Variants in HACL1 observed in about 807,000 individuals in gnomAD.
HACL1 encodes 2-hydroxyacyl-CoA lyase 1.
Under a neutral mutation model 74.2 loss-of-function variants are expected in HACL1, and 64 were observed. That is an observed-to-expected ratio of 0.86 (90% confidence interval 0.70 to 1.06). The LOEUF is 1.06. Ranked by LOEUF, HACL1 falls within the 50% of genes least tolerant of loss-of-function variation. The pLI is 0.00. For missense variants in HACL1, 728 were observed against 719.7 expected, an observed-to-expected ratio of 1.01 and a Z score of -0.13; for synonymous variants, 230 against 238.8, an observed-to-expected ratio of 0.96 and a Z score of 0.34.
At chr3:15,581,727 T>C (rs1413822274) in intron 8 of HACL1, among the ~76,000 whole-genome samples, 1 of 152,214 alleles carries the variant, frequency 6.6e-6, no homozygotes, top group African/African-American at 2.4e-5. Flanking sequence ...AACCTCTCTG[T>C]ACACACCACG....
intron 4 of HACL1, 116 bp downstream of exon 4, chr3:15,591,484 T>C (rs1002237428): frequency 1.8e-6 from 1 of 554,342 alleles, no homozygotes; most frequent in Admixed American, 3.2e-5. Context: ...TTTCTAAGAA[T>C]TGAAGGGGTT....
intron 14 of HACL1, among the ~76,000 whole-genome samples, chr3:15,565,166 G>GAAA (rs992716736): frequency 1.6e-5 from 2 of 123,708 alleles, no homozygotes. Context: ...CTCCATCTCA[G>GAAA]AAAAAAAAAA....
At chr3:15,566,037 G>A (rs2063429054) in intron 14 of HACL1, among the ~76,000 whole-genome samples, 1 of 152,058 alleles carries the variant, frequency 6.6e-6, no homozygotes, top group African/African-American at 2.4e-5. Flanking sequence ...TTTATATCAG[G>A]GACTTACTTG....
rs538291448 is a variant in HACL1 at position 15,568,504 on chromosome 3, A to G, written c.1178T>C (p.Phe393Ser). ...HVQEQLPRDC[F>S]VVSEGANTMD... ...AGTATTTGCTCCTTCACTTACCACG[A>G]AACAGTCTCTAGGTAGTTGTTCTTG... The change falls in exon 13 of 17, where the codon TTC (phenylalanine) becomes TCC (serine). Residue 393 changes from phenylalanine to serine, a missense_variant. By Grantham distance (155) the Phe-to-Ser change is radical. Transcript: ENST00000321169. The G allele has an allele frequency of 5.0e-6, 8 of 1,599,890 alleles. No homozygotes were observed. Among genetic ancestry groups the G allele is most frequent in the African/African-American group, 1.3e-5 (1 of 74,786 alleles).
chr3:15,565,574 T>C (rs9827194), intron 14 of HACL1, among the ~76,000 whole-genome samples: 33 of 152,342 alleles, frequency 2.2e-4, no homozygotes, highest in African/African-American at 7.0e-4. Context: ...GAAAAGAATG[T>C]AGGTTTTATT....
At position 15,601,541 on chromosome 3, in the gene HACL1, C is replaced by A. The variant is rs748298074; in HGVS notation, c.-78G>T. 4 of 1,605,364 alleles carry A rather than the reference C, an allele frequency of 2.5e-6. No individual in the cohort carries two copies. The South Asian group carries it at 4.4e-5, about 18-fold the overall frequency. On this transcript the variant is annotated 5_prime_UTR_variant, in exon 1 of 17. Transcript: ENST00000321169. ...TCCAGCAAGGCAAACGCGAAATCGG[C>A]AGCACGCCACCTCTGGTACTGCACC...
intron 4 of HACL1, among the ~76,000 whole-genome samples, chr3:15,590,344 A>G (rs1559559443): frequency 6.6e-6 from 1 of 152,136 alleles, no homozygotes; most frequent in Non-Finnish European, 1.5e-5. Context: ...GGAAAAAAAA[A>G]AGATATGGGA....
At chr3:15,592,613 C>T (rs1183630503) in intron 3 of HACL1, among the ~76,000 whole-genome samples, 4 of 86,646 alleles carry the variant, frequency 4.6e-5, no homozygotes, top group Non-Finnish European at 4.7e-5. Context: ...CACATGTGTG[C>T]GTGTATACAC....
intron 7 of HACL1, 40 bp downstream of exon 7, chr3:15,585,208 T>C: frequency 1.0e-6 from 1 of 954,656 alleles, no homozygotes; most frequent in Middle Eastern, 2.1e-4. Context: ...TGATAATACA[T>C]GTACATTGAA....
intron 3 of HACL1, among the ~76,000 whole-genome samples, chr3:15,593,941 G>A (rs1262443871): frequency 2.0e-5 from 3 of 151,988 alleles, no homozygotes; most frequent in Non-Finnish European, 4.4e-5. Context: ...GGGATTACAG[G>A]CATGTGCCAC....
At chr3:15,571,621 A>G in intron 12 of HACL1, 47 bp downstream of exon 12, 1 of 847,270 alleles carries the variant, frequency 1.2e-6, no homozygotes, top group Non-Finnish European at 2.1e-6. Flanking sequence ...GAAGTAACTG[A>G]ATCATGAGCC....
chr3:15,578,735 C>T (rs992317851), intron 9 of HACL1, among the ~76,000 whole-genome samples: 1 of 152,264 alleles, frequency 6.6e-6, no homozygotes, highest in African/African-American at 2.4e-5. Context: ...GAAACGTCAT[C>T]TTTGAGGCAA....
chr3:15,580,621 T>C (rs571902755), intron 8 of HACL1, among the ~76,000 whole-genome samples: 1 of 152,342 alleles, frequency 6.6e-6, no homozygotes, highest in South Asian at 2.1e-4. Context: ...TTACCCATTC[T>C]ATGCTATGGT....
chr3:15,587,123 G>A (rs1046248794), intron 5 of HACL1, among the ~76,000 whole-genome samples: 1 of 151,988 alleles, frequency 6.6e-6, no homozygotes, highest in Non-Finnish European at 1.5e-5. Context: ...AATATATCTT[G>A]AGGCATTATA....
At chr3:15,572,001 A>G (rs2063545117) in intron 11 of HACL1, among the ~76,000 whole-genome samples, 1 of 151,628 alleles carries the variant, frequency 6.6e-6, no homozygotes, top group Non-Finnish European at 1.5e-5. Flanking sequence ...CACCATGCTC[A>G]GCTAATTTTT....
At chr3:15,592,033 G>A (rs535181825) in intron 3 of HACL1, among the ~76,000 whole-genome samples, 17 of 138,066 alleles carry the variant, frequency 1.2e-4, no homozygotes, top group Admixed American at 6.5e-4. Context: ...CACTACATAC[G>A]TATATATACA....
At chr3:15,578,835 C>A (rs1479188808) in intron 9 of HACL1, among the ~76,000 whole-genome samples, 1 of 152,038 alleles carries the variant, frequency 6.6e-6, no homozygotes, top group Non-Finnish European at 1.5e-5. Flanking sequence ...CAGAGGGCAG[C>A]TTTAGTTATG....
intron 5 of HACL1, among the ~76,000 whole-genome samples, chr3:15,589,151 T>C (rs1370951545): frequency 6.6e-6 from 1 of 152,222 alleles, no homozygotes; most frequent in African/African-American, 2.4e-5. Context: ...GAGGCTTTTT[T>C]ATATCTTCTC....
At chr3:15,581,404 T>G (rs2063714539) in intron 8 of HACL1, among the ~76,000 whole-genome samples, 1 of 152,234 alleles carries the variant, frequency 6.6e-6, no homozygotes, top group South Asian at 2.1e-4. Context: ...TGAATCCTAG[T>G]AAACAGTATC....
Sources: allele counts gnomAD v4.1 joint callset (sites outside exome capture counted in the v4.1 genomes callset), GRCh38; gene constraint gnomAD v4.1.1; transcripts MANE v1.5; gene names NCBI Gene and HGNC (gene_info 2026-07-23, HGNC 2026-07-21).